VAV3: variants seen among roughly 807,000 people sequenced by gnomAD.
VAV3 encodes the protein guanine nucleotide exchange factor VAV3.
Under a neutral mutation model 131.2 loss-of-function variants are expected in VAV3, and 94 were observed. The ratio of observed to expected loss-of-function variants is 0.72; its 90% CI spans 0.61 to 0.85. The LOEUF is 0.85. VAV3 is among the 40% of genes least tolerant of loss of function. The pLI is 0.00. For synonymous variants in VAV3, 349 were observed against 342.0 expected (o/e 1.02, Z -0.22); for missense variants, 939 against 1,002.7 (o/e 0.94, Z 0.86).
intron 21 of VAV3, among the ~76,000 whole-genome samples, chr1:107,616,823 T>C (rs1487098763): frequency 6.6e-6 from 1 of 152,160 alleles, no homozygotes; most frequent in East Asian, 1.9e-4. Flanking sequence ...AAGGAGAGTT[T>C]TTCCCCTTCA....
chr1:107,780,890 G>T (rs1240845584), intron 2 of VAV3, among the ~76,000 whole-genome samples: 5 of 152,064 alleles, frequency 3.3e-5, no homozygotes, highest in Non-Finnish European at 7.4e-5. Context: ...ACTTAAAGAG[G>T]TTCTACATGA....
chr1:107,728,410 G>A (rs1449743740), intron 15 of VAV3, among the ~76,000 whole-genome samples: 3 of 151,994 alleles, frequency 2.0e-5, no homozygotes, highest in East Asian at 1.9e-4. Flanking sequence ...GACTGGATAC[G>A]AAGTCTGAGA....
At chr1:107,625,657 T>G (rs1653962174) in intron 20 of VAV3, among the ~76,000 whole-genome samples, 1 of 152,318 alleles carries the variant, frequency 6.6e-6, no homozygotes, top group South Asian at 2.1e-4. Context: ...GCGGTCTATT[T>G]TCCGAAGCAC....
chr1:107,571,697 C>A lies in VAV3; in HGVS notation c.*1634G>T, dbSNP rs1316011880. The A allele has an allele frequency of 6.6e-6, 1 of 152,574 alleles. No homozygotes were observed. Among genetic ancestry groups the A allele is most frequent in the Non-Finnish European group, 1.5e-5 (1 of 68,018 alleles). The allele number at this position is 152,574 out of a possible 1,614,324, so 9.5% of individuals were successfully genotyped here. Reference sequence around the variant, plus strand: ...ATTTTATAAAATACATTTTTGTGATCATTTACACATATACAAAGACTTAAA... The same window carrying A: ...ATTTTATAAAATACATTTTTGTGATAATTTACACATATACAAAGACTTAAA... On this transcript the variant is annotated 3_prime_UTR_variant, in exon 27 of 27. Transcript: ENST00000370056.
chr1:107,909,907 T>A (rs556375029), intron 1 of VAV3, among the ~76,000 whole-genome samples: 2 of 152,330 alleles, frequency 1.3e-5, no homozygotes, highest in African/African-American at 4.8e-5. Context: ...AGCTTCACAT[T>A]CCAAATCGGT....
rs543786525 is a variant in VAV3 at position 107,757,876 on chromosome 1, T to A, written c.1018-547A>T. Among the ~76,000 whole-genome samples the A allele has an allele frequency of 3.9e-5, 6 of 152,286 alleles. No individual in the cohort carries two copies. In the South Asian group the frequency reaches 1.2e-3, roughly 32 times the overall value. On this transcript the variant is annotated intron_variant, in intron 10 of 26. Transcript: ENST00000370056. ...TCCTCTTTTTTCCCCTGATTTTACA[T>A]ACTCTACAAATTCTATCACAACCAC...
intron 1 of VAV3, among the ~76,000 whole-genome samples, chr1:107,881,627 C>T (rs760425941): frequency 2.0e-5 from 3 of 152,124 alleles, no homozygotes; most frequent in African/African-American, 4.8e-5. Flanking sequence ...ATGAATAGCT[C>T]GCTTATTTCA....
chr1:107,886,099 A>T (rs1323961084), intron 1 of VAV3, among the ~76,000 whole-genome samples: 1 of 152,208 alleles, frequency 6.6e-6, no homozygotes, highest in Non-Finnish European at 1.5e-5. Flanking sequence ...TTTGGAGGAA[A>T]TGCAGGAATT....
intron 20 of VAV3, among the ~76,000 whole-genome samples, chr1:107,633,700 G>A (rs1371608030): frequency 1.3e-5 from 2 of 152,064 alleles, no homozygotes; most frequent in East Asian, 3.9e-4. Flanking sequence ...CTGGTGTTTA[G>A]GCTTAAGAAG....
At chr1:107,668,412 T>C in intron 19 of VAV3, among the ~76,000 whole-genome samples, 1 of 152,212 alleles carries the variant, frequency 6.6e-6, no homozygotes, top group East Asian at 1.9e-4. Flanking sequence ...CAACTCTCAG[T>C]GTAGCTTCCT....
intron 1 of VAV3, among the ~76,000 whole-genome samples, chr1:107,929,013 A>G (rs1379322754): frequency 6.6e-6 from 1 of 152,148 alleles, no homozygotes; most frequent in Admixed American, 6.5e-5. Flanking sequence ...AGAAAGAAAA[A>G]AGAAACAAAT....
intron 21 of VAV3, among the ~76,000 whole-genome samples, chr1:107,613,724 A>C (rs889489132): frequency 6.6e-6 from 1 of 152,128 alleles, no homozygotes; most frequent in African/African-American, 2.4e-5. Flanking sequence ...TGATTTAATG[A>C]TTTCAAATTG....
At chr1:107,802,676 C>T (rs148498107) in intron 2 of VAV3, among the ~76,000 whole-genome samples, 3 of 152,090 alleles carry the variant, frequency 2.0e-5, no homozygotes, top group Non-Finnish European at 4.4e-5. Flanking sequence ...CTATCATATC[C>T]TAGGATGCAT....
At chr1:107,685,646 G>A (rs747974744) in intron 18 of VAV3, 14 of 151,982 alleles carry the variant, frequency 9.2e-5, no homozygotes, top group East Asian at 3.9e-4. Context: ...AAATAACATC[G>A]GAGGAATTTT....
chr1:107,783,046 T>C (rs886521414), intron 2 of VAV3, among the ~76,000 whole-genome samples: 10 of 152,218 alleles, frequency 6.6e-5, no homozygotes, highest in African/African-American at 2.4e-4. Context: ...ATTTTCTTTC[T>C]TTCCCTTTGT....
intron 24 of VAV3, among the ~76,000 whole-genome samples, chr1:107,600,114 T>C (rs1231645333): frequency 6.6e-6 from 1 of 152,014 alleles, no homozygotes; most frequent in African/African-American, 2.4e-5. Context: ...GTTCTTGGTG[T>C]AGACGTATTT....
intron 1 of VAV3, among the ~76,000 whole-genome samples, chr1:107,895,160 C>T (rs1671508161): frequency 6.6e-6 from 1 of 152,022 alleles, no homozygotes; most frequent in Admixed American, 6.6e-5. Flanking sequence ...AGCAGGAACA[C>T]AGGGCTGCAA....
chr1:107,713,359 A>C (rs1487153186), intron 15 of VAV3, among the ~76,000 whole-genome samples: 1 of 152,076 alleles, frequency 6.6e-6, no homozygotes, highest in African/African-American at 2.4e-5. Context: ...CCAAACTTTT[A>C]TTTAAATAAA....
chr1:107,746,236 C>T (rs187444769), intron 15 of VAV3, among the ~76,000 whole-genome samples: 21 of 152,272 alleles, frequency 1.4e-4, no homozygotes, highest in Admixed American at 6.5e-4. Context: ...GGAAATAAAA[C>T]AATGGAATAT....
Sources: allele counts gnomAD v4.1 joint callset (sites outside exome capture counted in the v4.1 genomes callset), GRCh38; gene constraint gnomAD v4.1.1; transcripts MANE v1.5; gene names NCBI Gene and HGNC (gene_info 2026-07-23, HGNC 2026-07-21).